Variants in GNPTAB observed in about 807,000 individuals in gnomAD.
GNPTAB encodes the protein N-acetylglucosamine-1-phosphate transferase subunits alpha and beta, also known as N-acetylglucosamine-1-phosphotransferase subunits alpha/beta.
In GNPTAB, 92 loss-of-function variants were observed where a neutral mutation model predicts 136.6. The observed-to-expected ratio is 0.67, with a 90% CI of 0.57 to 0.80. GNPTAB has a LOEUF of 0.80. GNPTAB is among the 30% of genes least tolerant of loss of function. The pLI, the probability that GNPTAB is intolerant of heterozygous loss-of-function variation, is 0.00. For missense variants in GNPTAB, 1,343 were observed against 1,501.8 expected (o/e 0.89, Z 1.75); for synonymous variants, 512 against 535.1 (o/e 0.96, Z 0.60).
Position 101,770,516 on chromosome 12 carries a change from A to G in GNPTAB, c.1003T>C (p.Ser335Pro). Residue 335 changes from serine (S) to proline (P), a missense_variant, in exon 9 of 21, where the codon TCT (serine) becomes CCT (proline). Ser to Pro is a moderately conservative substitution (Grantham distance 74, BLOSUM62 -1). Coordinates refer to ENST00000299314, the MANE Select transcript of GNPTAB (RefSeq NM_024312.5). ...DNEELRYSLR[S>P]IERHAPWVRN... is the part of the protein sequence containing the mutation. Reference sequence around the variant, plus strand: ...ACCCATGGTGCATGCCTCTCGATAGATCGCAATGAGTACCTCAGTTCTTCG... The same window carrying G: ...ACCCATGGTGCATGCCTCTCGATAGGTCGCAATGAGTACCTCAGTTCTTCG... 6.2e-7 allele frequency: 1 copy of G among 1,613,318 alleles called. No homozygotes were observed. Among genetic ancestry groups the G allele is most frequent in the South Asian group, 1.1e-5 (1 of 91,050 alleles).
intron 7 of GNPTAB, among the ~76,000 whole-genome samples, chr12:101,771,578 A>G (rs1953177651): frequency 6.6e-6 from 1 of 152,134 alleles, no homozygotes; most frequent in East Asian, 1.9e-4. Flanking sequence ...GACAATATCA[A>G]AACACAACAA....
intron 1 of GNPTAB, among the ~76,000 whole-genome samples, chr12:101,803,162 C>G (rs1157922196): frequency 6.6e-6 from 1 of 152,102 alleles, no homozygotes; most frequent in Non-Finnish European, 1.5e-5. Context: ...GAATCAAGGT[C>G]CCTCTAACCT....
rs560271750 is a variant in GNPTAB, at chr12:101,796,607, T to C, written c.203+70A>G. ...CAGAAAGACCCCTTAAACTGTCATA[T>C]TTACAGGATGGCTATTTCATGACTT... On this transcript the variant is annotated intron_variant, in intron 2 of 20. Transcript: ENST00000299314. The C allele has an allele frequency of 1.4e-5, 14 of 1,007,464 alleles. No homozygotes were observed. In the African/African-American group the frequency reaches 1.7e-4, roughly 12 times the overall value. The allele number at this position is 1,007,464 out of a possible 1,614,324, so 62.4% of individuals were successfully genotyped here. A position where few individuals can be genotyped will look rare whatever the true frequency, so the allele number is the denominator to read the frequency against.
At chr12:101,767,193 ACTCT>A (rs373633118) in intron 11 of GNPTAB, among the ~76,000 whole-genome samples, 5 of 151,256 alleles carry the variant, frequency 3.3e-5, no homozygotes, top group African/African-American at 4.9e-5. Flanking sequence ...GTACATACTT[ACTCT>A]CTCTCTCTCT....
At chr12:101,825,155 T>G (rs940309752) in intron 1 of GNPTAB, among the ~76,000 whole-genome samples, 1 of 152,232 alleles carries the variant, frequency 6.6e-6, no homozygotes, top group Non-Finnish European at 1.5e-5. Flanking sequence ...TCCCCTGTGT[T>G]GTTATTCAGT....
chr12:101,804,900 CT>C (rs1869852330), intron 1 of GNPTAB, among the ~76,000 whole-genome samples: 1 of 152,184 alleles, frequency 6.6e-6, no homozygotes. Context: ...ATCTTATCCC[CT>C]AAGGGGTTGT....
intron 16 of GNPTAB, 37 bp from the exon 17 acceptor site, chr12:101,757,694 G>C: frequency 9.9e-7 from 1 of 1,005,248 alleles, no homozygotes; most frequent in Non-Finnish European, 1.6e-6. Flanking sequence ...TATCACATCA[G>C]AGCTGAAACT....
intron 2 of GNPTAB, among the ~76,000 whole-genome samples, chr12:101,792,986 C>T (rs565590497): frequency 6.6e-6 from 1 of 152,218 alleles, no homozygotes; most frequent in African/African-American, 2.4e-5. Context: ...TGTTGCTGGT[C>T]CAGAAATTGC....
chr12:101,813,853 G>C (rs1870366532), intron 1 of GNPTAB, among the ~76,000 whole-genome samples: 1 of 152,036 alleles, frequency 6.6e-6, no homozygotes, highest in African/African-American at 2.4e-5. Context: ...GGTTGAGACG[G>C]GCAGATCACA....
intron 1 of GNPTAB, among the ~76,000 whole-genome samples, chr12:101,812,574 G>A (rs1171133145): frequency 6.6e-6 from 1 of 151,062 alleles, no homozygotes; most frequent in African/African-American, 2.4e-5. Flanking sequence ...TGGGCAACAT[G>A]GTGAGAACCC....
At chr12:101,749,012 T>C (rs1474887250) in intron 20 of GNPTAB, 89 bp downstream of exon 20, 1 of 804,504 alleles carries the variant, frequency 1.2e-6, no homozygotes, top group Non-Finnish European at 2.2e-6. Flanking sequence ...AAAATTTTGA[T>C]TGTAAATGTG....
intron 1 of GNPTAB, among the ~76,000 whole-genome samples, chr12:101,800,693 G>A (rs1166429386): frequency 6.6e-5 from 10 of 151,280 alleles, no homozygotes; most frequent in African/African-American, 1.9e-4. Context: ...CAGGAGAATC[G>A]CTTGAACCTG....
At chr12:101,764,084 C>T in intron 13 of GNPTAB, 118 bp downstream of exon 13, 1 of 1,288,602 alleles carries the variant, frequency 7.8e-7, no homozygotes, top group South Asian at 1.3e-5. Flanking sequence ...GTAAGAAAAG[C>T]ATTTAGTTCC....
intron 1 of GNPTAB, among the ~76,000 whole-genome samples, chr12:101,828,185 G>C (rs1483017805): frequency 2.0e-5 from 3 of 152,186 alleles, no homozygotes; most frequent in Non-Finnish European, 4.4e-5. Flanking sequence ...ATGAGGGTCT[G>C]TTATGTAGTA....
At chr12:101,748,322 G>A (rs978056823) in intron 20 of GNPTAB, among the ~76,000 whole-genome samples, 6 of 152,158 alleles carry the variant, frequency 3.9e-5, no homozygotes, top group African/African-American at 1.2e-4. Flanking sequence ...CTTGGTGTAC[G>A]TTTCATTTGA....
At chr12:101,747,622 C>T (rs1420784632) in intron 20 of GNPTAB, among the ~76,000 whole-genome samples, 1 of 152,218 alleles carries the variant, frequency 6.6e-6, no homozygotes, top group African/African-American at 2.4e-5. Context: ...AGCCATAAGA[C>T]ACTGTCTCTG....
chr12:101,790,128 G>A, intron 2 of GNPTAB, 71 bp from the exon 3 acceptor site: 1 of 1,603,056 alleles, frequency 6.2e-7, no homozygotes, highest in South Asian at 1.1e-5. Flanking sequence ...GAATATCACA[G>A]GGTTTAAACC....
At chr12:101,816,900 A>G (rs1248194215) in intron 1 of GNPTAB, among the ~76,000 whole-genome samples, 1 of 152,230 alleles carries the variant, frequency 6.6e-6, no homozygotes, top group Non-Finnish European at 1.5e-5. Context: ...CAGCGCATGG[A>G]TGGAACCAGA....
intron 1 of GNPTAB, among the ~76,000 whole-genome samples, chr12:101,829,493 A>T (rs921259108): frequency 6.6e-5 from 10 of 152,182 alleles, no homozygotes; most frequent in African/African-American, 2.4e-4. Flanking sequence ...TCAAAAAAAT[A>T]AAATAAAATG....
Sources: gnomAD v4.1 joint callset for allele counts (sites outside exome capture counted in the v4.1 genomes callset) on GRCh38, gnomAD v4.1.1 for gene constraint, MANE v1.5 for transcripts, NCBI Gene and HGNC (gene_info 2026-07-23, HGNC 2026-07-21) for gene names.